ANO7: variants seen among roughly 807,000 people sequenced by gnomAD.
ANO7 encodes anoctamin 7.
A neutral mutation model predicts 115.8 loss-of-function variants in ANO7; 114 were observed. The observed-to-expected ratio is 0.98, with a 90% CI of 0.85 to 1.15. ANO7 has a LOEUF of 1.15. ANO7 is among the 50% of genes most tolerant of loss of function. The pLI, the probability that ANO7 is intolerant of heterozygous loss-of-function variation, is 0.00. For synonymous variants in ANO7, 550 were observed against 498.2 expected, an observed-to-expected ratio of 1.10 and a Z score of -1.38; for missense variants, 1,302 against 1,201.2, an observed-to-expected ratio of 1.08 and a Z score of -1.24.
At position 241,204,046 on chromosome 2, in the gene ANO7, C is replaced by A. The variant is rs533578832; in HGVS notation, c.889+548C>A. Among the ~76,000 whole-genome samples the A allele has an allele frequency of 8.2e-4, 125 of 152,304 alleles. 1 individual carries two copies. Among genetic ancestry groups the A allele is most frequent in the African/African-American group, 2.8e-3 (118 of 41,560 alleles). ...TTCTCATCCGCACACACAGCCCCAC[C>A]GTGGACCCAGACAATAGAGCCAGCC... On this transcript the variant is annotated intron_variant, in intron 9 of 24. Coordinates refer to ENST00000674324, the MANE Select transcript of ANO7 (RefSeq NM_001370694.2).
Position 241,191,218 on chromosome 2 carries a change from T to C in ANO7, c.133T>C (p.Cys45Arg). 5.0e-6 allele frequency: 8 copies of C among 1,613,862 alleles called. No individual in the cohort carries two copies. Among genetic ancestry groups the C allele is most frequent in the Non-Finnish European group, 5.9e-6 (7 of 1,179,962 alleles). ...GCCAGGTGGACAGCAAGCGGCCGCC[T>C]GCAGAGCTGGGAGTCCTGCCAAGCC... Reference protein sequence around the residue: ...SEPGGQQAAACRAGSPAKPRI... With the variant: ...SEPGGQQAAARRAGSPAKPRI... The change falls in exon 3 of 25, where the codon TGC becomes CGC. Residue 45 changes from cysteine (C) to arginine (R), a missense_variant. Physicochemically the swap from Cys to Arg is radical, Grantham distance 180. Transcript: ENST00000674324.
rs1001951806 is a variant in ANO7, at chr2:241,223,338, C to T, written c.2412+62C>T. ...ATGAGGCCCCGACCCTGTGCTTTGC[C>T]TAATTCGAGCACGTGGTGAGGGGTC... On this transcript the variant is annotated intron_variant, in intron 22 of 24. Coordinates refer to ENST00000674324, the MANE Select transcript of ANO7 (RefSeq NM_001370694.2). 1.9e-6 allele frequency: 3 copies of T among 1,568,196 alleles called. No homozygotes were observed. The African/African-American group carries it at 4.1e-5, about 21-fold the overall frequency.
the ANO7 span, chr2:241,239,556 G>T: frequency 6.7e-7 from 1 of 1,500,490 alleles, no homozygotes; most frequent in Non-Finnish European, 9.3e-7. This position sits in a 1 kb window ranked among gnomAD's most constrained non-coding sequence, Gnocchi z 4.6. Context: ...TTCGGTGAGT[G>T]GCCACTGGGG....
At chr2:241,231,550 G>A in the ANO7 span, among the ~76,000 whole-genome samples, 1 of 152,150 alleles carries the variant, frequency 6.6e-6, no homozygotes, top group Non-Finnish European at 1.5e-5. Flanking sequence ...TGGACTCAAG[G>A]ACAGCGGGGC....
the ANO7 span, chr2:241,240,119 T>C: frequency 6.2e-7 from 1 of 1,614,102 alleles, no homozygotes; most frequent in Non-Finnish European, 8.5e-7. The surrounding 1 kb of genome is among the most constrained non-coding windows in gnomAD (Gnocchi z 5.5). Flanking sequence ...AAACTCTTGG[T>C]TTGCTGCAGA....
downstream of ANO7, chr2:241,229,691 TG>T: frequency 1.2e-6 from 2 of 1,613,976 alleles, no homozygotes; most frequent in Non-Finnish European, 1.7e-6. Context: ...CAGGAGCCTG[TG>T]CAGAGAGAGG....
rs147135119 is a variant in ANO7, at chr2:241,199,390, C to T, written c.384C>T (p.Tyr128=). 20 of 1,613,752 alleles carry T rather than the reference C, an allele frequency of 1.2e-5. No individual in the cohort carries two copies. Among genetic ancestry groups the T allele is most frequent in the African/African-American group, 1.2e-4 (9 of 74,954 alleles). ...LSASWAVLCY[Y]AEDLRLKLPL... ...CCTCCTGGGCTGTGCTCTGCTACTA[C>T]GCCGAAGACCTGCGCCTGAAGCTGC... Residue 128 remains tyrosine (Y), a synonymous_variant, in exon 5 of 25, where the codon TAC becomes TAT. Transcript: ENST00000674324.
At chr2:241,190,463 G>A (rs2068173138) in intron 2 of ANO7, among the ~76,000 whole-genome samples, 1 of 152,204 alleles carries the variant, frequency 6.6e-6, no homozygotes, top group Admixed American at 6.5e-5. Flanking sequence ...CCAGGGCGGG[G>A]CCCTCCCTGT....
At chr2:241,195,551 C>G (rs558756389) in intron 3 of ANO7, 152 bp from the exon 4 acceptor site, 2 of 717,646 alleles carry the variant, frequency 2.8e-6, no homozygotes, top group Admixed American at 2.4e-5. Context: ...CTAGCCCTGG[C>G]TGGGACCAGA....
rs766312178 is a variant in ANO7 at position 241,204,858 on chromosome 2, T to G, written c.890-7T>G. The G allele has an allele frequency of 6.2e-7, 1 of 1,612,502 alleles. No individual in the cohort carries two copies. Among genetic ancestry groups the G allele is most frequent in the Non-Finnish European group, 8.5e-7 (1 of 1,178,886 alleles). On this transcript the variant is annotated splice_polypyrimidine_tract_variant and splice_region_variant and intron_variant, in intron 9 of 24. Transcript: ENST00000674324. The stretch of plus-strand genomic sequence containing the variant: ...CTGATGGTGGACCCCTGCCATCCTC[T>G]CTACAGGGTTTTACACAGGCTGGCT...
intron 21 of ANO7, among the ~76,000 whole-genome samples, chr2:241,218,912 T>G (rs1371935773): frequency 6.6e-6 from 1 of 152,232 alleles, no homozygotes; most frequent in African/African-American, 2.4e-5. Context: ...AATTCACACA[T>G]AACACCAGTA....
chr2:241,210,295 G>A lies in ANO7; in HGVS notation c.1360G>A (p.Val454Met). The change falls in exon 14 of 25, where the codon GTG (valine) becomes ATG (methionine). Residue 454 changes from valine (V) to methionine (M), a missense_variant and splice_region_variant. By Grantham distance (21) the Val-to-Met change is conservative (BLOSUM62 1). Transcript: ENST00000674324. ...LAGSVVIVVM[V>M]AVVVMCLVSI... ...CTCACGGGCCTCCCTGCCCCCGCAG[G>A]TGGCCGTGGTGGTCATGTGCCTCGT... is the stretch of plus-strand genomic sequence containing the variant. The A allele has an allele frequency of 6.2e-7, 1 of 1,613,820 alleles. No homozygotes were observed. Among genetic ancestry groups the A allele is most frequent in the Non-Finnish European group, 8.5e-7 (1 of 1,179,942 alleles).
chr2:241,228,412 T>G (rs1248288483), downstream of ANO7: 1 of 152,320 alleles, frequency 6.6e-6, no homozygotes, highest in Non-Finnish European at 1.5e-5. Context: ...GTCTCGGCCC[T>G]AGACCGTGAA....
rs764545838 is a variant in ANO7 at position 241,223,741 on chromosome 2, G to A, written c.2492G>A (p.Arg831Gln). 4.3e-6 allele frequency: 7 copies of A among 1,614,066 alleles called. No individual in the cohort carries two copies. The highest frequency in any genetic ancestry group is 2.2e-5 in the South Asian group (2 of 91,086). ...IPESVEIKVK[R>Q]EYYLAKQALA... is the part of the protein sequence containing the mutation. Reference sequence around the variant, plus strand: ...GAGTCTGTGGAGATCAAAGTGAAGCGGGAGTACTACCTGGCTAAGCAGGCA... The same window carrying A: ...GAGTCTGTGGAGATCAAAGTGAAGCAGGAGTACTACCTGGCTAAGCAGGCA... Residue 831 changes from arginine (R) to glutamine (Q), a missense_variant, in exon 23 of 25, where the codon CGG becomes CAG. Transcript: ENST00000674324.
downstream of ANO7, chr2:241,230,254 G>A: frequency 1.9e-6 from 3 of 1,590,924 alleles, no homozygotes; most frequent in Non-Finnish European, 2.6e-6. This position sits in a 1 kb window ranked among gnomAD's most constrained non-coding sequence, Gnocchi z 5.0. Context: ...CCGCTCTGTG[G>A]GAAGCGAATG....
intron 4 of ANO7, among the ~76,000 whole-genome samples, chr2:241,197,351 C>T (rs1363502133): frequency 2.0e-5 from 3 of 152,164 alleles, no homozygotes; most frequent in Non-Finnish European, 2.9e-5. Flanking sequence ...CCACCCGCCT[C>T]GGCCTCCCAA....
At chr2:241,216,357 TGTGGGGGTGGG>T in intron 19 of ANO7, 119 bp downstream of exon 19, 1 of 1,282,148 alleles carries the variant, frequency 7.8e-7, no homozygotes. Flanking sequence ...TGAAATGTGC[TGTGGGGGTGGG>T]GTGGGAACAG....
At chr2:241,212,526 G>C (rs1446912783) in intron 16 of ANO7, 46 bp from the exon 17 acceptor site, 1 of 1,592,890 alleles carries the variant, frequency 6.3e-7, no homozygotes, top group East Asian at 2.2e-5. Context: ...AGTGGGAGGA[G>C]ACAGGAAGGA....
chr2:241,226,588 C>A (rs1266713662), downstream of ANO7, among the ~76,000 whole-genome samples: 1 of 152,058 alleles, frequency 6.6e-6, no homozygotes, highest in Non-Finnish European at 1.5e-5. Flanking sequence ...CCACACCCAG[C>A]TAATTTTTTG....
Sources: allele counts gnomAD v4.1 joint callset (sites outside exome capture counted in the v4.1 genomes callset), GRCh38; gene constraint gnomAD v4.1.1; non-coding constraint Gnocchi (gnomAD v3.1); transcripts MANE v1.5; gene names NCBI Gene and HGNC (gene_info 2026-07-23, HGNC 2026-07-21).